The following PREX2 variants were observed in gnomAD, a reference collection of about 807,000 sequenced individuals.
PREX2 encodes phosphatidylinositol-3,4,5-trisphosphate dependent Rac exchange factor 2, also known as phosphatidylinositol 3,4,5-trisphosphate-dependent Rac exchanger 2 protein.
Under a neutral mutation model 203.2 loss-of-function variants are expected in PREX2, and 107 were observed. The ratio of observed to expected loss-of-function variants is 0.53; its 90% CI spans 0.45 to 0.62. The LOEUF (loss-of-function observed/expected upper bound fraction) is 0.62. PREX2 is among the 20% of genes least tolerant of loss of function. The pLI is 0.00. For missense variants in PREX2, 1,777 were observed against 1,955.9 expected (o/e 0.91, Z 1.72); for synonymous variants, 672 against 663.6 (o/e 1.01, Z -0.19).
intron 38 of PREX2, among the ~76,000 whole-genome samples, chr8:68,219,455 C>CATGG (rs1812910384): frequency 6.6e-6 from 1 of 152,096 alleles, no homozygotes; most frequent in Non-Finnish European, 1.5e-5. Flanking sequence ...ACTCAAAAGT[C>CATGG]ATGGGTTCCT....
intron 37 of PREX2, among the ~76,000 whole-genome samples, chr8:68,195,580 T>G (rs1812378301): frequency 6.6e-6 from 1 of 152,222 alleles, no homozygotes; most frequent in Non-Finnish European, 1.5e-5. Context: ...AGGCTGTTCC[T>G]AAAATAGTCC....
At chr8:68,195,534 T>A (rs1420805285) in intron 37 of PREX2, among the ~76,000 whole-genome samples, 1 of 152,220 alleles carries the variant, frequency 6.6e-6, no homozygotes, top group African/African-American at 2.4e-5. Context: ...TGATAAGATA[T>A]GTGTTAATTT....
intron 37 of PREX2, among the ~76,000 whole-genome samples, chr8:68,215,779 C>T (rs536249611): frequency 5.3e-5 from 8 of 152,212 alleles, no homozygotes; most frequent in Non-Finnish European, 8.8e-5. Flanking sequence ...CCTTGTGATC[C>T]GCCCGCCTCG....
At chr8:68,171,956 T>A (rs1271690497) in intron 35 of PREX2, among the ~76,000 whole-genome samples, 2 of 152,202 alleles carry the variant, frequency 1.3e-5, no homozygotes, top group Admixed American at 1.3e-4. Context: ...ACGAGAAACA[T>A]TCCAGATGCA....
chr8:68,227,088 A>C (rs1813070472), intron 39 of PREX2, among the ~76,000 whole-genome samples: 1 of 152,216 alleles, frequency 6.6e-6, no homozygotes, highest in Non-Finnish European at 1.5e-5. Context: ...CTTGAAGACA[A>C]TAGGGAGGCA....
At chr8:68,045,488 A>G (rs981986150) in intron 8 of PREX2, among the ~76,000 whole-genome samples, 3 of 152,120 alleles carry the variant, frequency 2.0e-5, no homozygotes, top group African/African-American at 4.8e-5. Flanking sequence ...TGTCAGAAGC[A>G]CAGAATTTCA....
At chr8:68,023,994 G>C (rs775673839) in intron 4 of PREX2, among the ~76,000 whole-genome samples, 2 of 151,924 alleles carry the variant, frequency 1.3e-5, no homozygotes, top group Non-Finnish European at 2.9e-5. Context: ...AGAACCTTCA[G>C]TATAGTGTTG....
chr8:68,158,174 C>T (rs535650461), intron 35 of PREX2, among the ~76,000 whole-genome samples: 2 of 150,098 alleles, frequency 1.3e-5, no homozygotes, highest in South Asian at 4.2e-4. Context: ...TATATTCACA[C>T]ACACATATCT....
chr8:68,206,543 A>G (rs1344388602), intron 37 of PREX2, among the ~76,000 whole-genome samples: 1 of 152,192 alleles, frequency 6.6e-6, no homozygotes, highest in Non-Finnish European at 1.5e-5. Context: ...GAAATGGAGT[A>G]CACAAAGTGC....
intron 1 of PREX2, among the ~76,000 whole-genome samples, chr8:68,014,896 G>C (rs62520742): frequency 1.3e-5 from 2 of 152,208 alleles, no homozygotes; most frequent in African/African-American, 4.8e-5. Context: ...CAGACCTCTG[G>C]GGATAGGAAT....
chr8:68,059,499 T>A (rs1808780648), intron 10 of PREX2, among the ~76,000 whole-genome samples: 1 of 152,208 alleles, frequency 6.6e-6, no homozygotes, highest in Non-Finnish European at 1.5e-5. Context: ...ACAGATGAGA[T>A]ACAATAATGA....
chr8:68,186,748 G>A (rs895095685), intron 35 of PREX2, among the ~76,000 whole-genome samples: 2 of 152,110 alleles, frequency 1.3e-5, no homozygotes, highest in African/African-American at 4.8e-5. Flanking sequence ...TCCTGACCTC[G>A]TGATCCACCC....
intron 33 of PREX2, among the ~76,000 whole-genome samples, chr8:68,140,216 G>A (rs989322878): frequency 2.6e-5 from 4 of 152,174 alleles, no homozygotes; most frequent in African/African-American, 9.7e-5. Context: ...ATAATAGTAT[G>A]TAAATGTAGA....
chr8:68,015,090 C>T (rs1035845738), intron 1 of PREX2, among the ~76,000 whole-genome samples: 17 of 152,100 alleles, frequency 1.1e-4, no homozygotes, highest in African/African-American at 4.1e-4. Flanking sequence ...GTGTAGAATC[C>T]TTCATGTATT....
At chr8:68,147,205 C>T (rs1811346151) in intron 34 of PREX2, among the ~76,000 whole-genome samples, 1 of 152,060 alleles carries the variant, frequency 6.6e-6, no homozygotes, top group Non-Finnish European at 1.5e-5. Flanking sequence ...AATTTCAATG[C>T]TCTAATAAAA....
In PREX2 at chr8:68,139,404, A is replaced by G. The variant is rs192510937; in HGVS notation, c.4087+887A>G. ...CTCTCAGGATAGGAAGTTGGCCTGC[A>G]TAGGTGGAGTGGAGCAAGTGAGGGG... On this transcript the variant is annotated intron_variant, in intron 33 of 39. Coordinates refer to ENST00000288368, the MANE Select transcript of PREX2 (RefSeq NM_024870.4). 2.4e-4 allele frequency among the ~76,000 whole-genome samples: 37 copies of G among 152,292 alleles called. No homozygotes were observed. The Middle Eastern group carries it at 0.01, about 42-fold the overall frequency.
At chr8:68,126,062 A>G (rs1810879438) in intron 30 of PREX2, among the ~76,000 whole-genome samples, 1 of 152,136 alleles carries the variant, frequency 6.6e-6, no homozygotes, top group Admixed American at 6.6e-5. Context: ...CTTTCTAATC[A>G]TATCCCAATC....
Position 68,040,959 on chromosome 8 carries a change from T to C in PREX2, c.839+2667T>C, listed in dbSNP as rs180809188. Among the ~76,000 whole-genome samples the C allele has an allele frequency of 4.4e-3, 669 of 152,344 alleles. 2 individuals carry two copies. Among genetic ancestry groups the C allele is most frequent in the Non-Finnish European group, 4.5e-3 (303 of 68,024 alleles). On this transcript the variant is annotated intron_variant, in intron 7 of 39. Transcript: ENST00000288368. ...TTTAAAGCATGAATATACTTTTTTC[T>C]TGAGAATGTTCTTACTTTATGGGAT...
chr8:68,000,018 G>C (rs571575153), intron 1 of PREX2, among the ~76,000 whole-genome samples: 16 of 152,210 alleles, frequency 1.1e-4, no homozygotes, highest in African/African-American at 3.6e-4. Context: ...TATACTGAAT[G>C]GGCAAAAGCT....
Sources: gnomAD v4.1 joint callset for allele counts (sites outside exome capture counted in the v4.1 genomes callset) on GRCh38, gnomAD v4.1.1 for gene constraint, MANE v1.5 for transcripts, NCBI Gene and HGNC (gene_info 2026-07-23, HGNC 2026-07-21) for gene names.